MIB1: variants seen among roughly 807,000 people sequenced by gnomAD.
MIB1 encodes the protein MIB E3 ubiquitin protein ligase 1.
In MIB1, 278 loss-of-function variants were observed where a neutral mutation model predicts 124.5. The ratio of observed to expected loss-of-function variants is 2.23; its 90% CI spans 2.02 to 2.47. MIB1 has a LOEUF of 2.47. Ranked by LOEUF, MIB1 falls within the 30% of genes most tolerant of loss-of-function variation. The pLI is 0.00. For missense variants in MIB1, 957 were observed against 1,254.4 expected (o/e 0.76, Z 3.58); for synonymous variants, 446 against 429.4 (o/e 1.04, Z -0.48).
intron 12 of MIB1, among the ~76,000 whole-genome samples, chr18:21,838,153 G>A (rs1297197847): frequency 4.0e-5 from 6 of 151,888 alleles, no homozygotes; most frequent in Non-Finnish European, 8.8e-5. Flanking sequence ...TGTAGTCTCT[G>A]TCAAGGCCAG....
intron 4 of MIB1, among the ~76,000 whole-genome samples, chr18:21,774,506 T>G (rs1167180322): frequency 6.6e-6 from 1 of 152,236 alleles, no homozygotes; most frequent in Non-Finnish European, 1.5e-5. Flanking sequence ...GAGAATCACC[T>G]GAACCACGAG....
intron 10 of MIB1, among the ~76,000 whole-genome samples, chr18:21,815,014 TATATATA>T (rs2041813404): frequency 1.7e-4 from 2 of 11,576 alleles, no homozygotes; most frequent in East Asian, 3.2e-3. Flanking sequence ...GTTGGTTTTA[TATATATA>T]TATATATATA....
At chr18:21,728,733 C>G (rs1382465439) in intron 1 of MIB1, among the ~76,000 whole-genome samples, 4 of 152,052 alleles carry the variant, frequency 2.6e-5, no homozygotes, top group Non-Finnish European at 5.9e-5. Flanking sequence ...TACATGTAAA[C>G]AATGTGTAAT....
At chr18:21,723,375 T>C (rs1021725245) in intron 1 of MIB1, among the ~76,000 whole-genome samples, 5 of 152,148 alleles carry the variant, frequency 3.3e-5, no homozygotes, top group African/African-American at 1.2e-4. Context: ...CCCTTATTCT[T>C]ATTGCAGAAT....
At chr18:21,714,924 G>A (rs745438333) in intron 1 of MIB1, among the ~76,000 whole-genome samples, 1 of 152,190 alleles carries the variant, frequency 6.6e-6, no homozygotes, top group African/African-American at 2.4e-5. Context: ...TCATGAAAAG[G>A]CAGTAAATTG....
rs1203164889 is a variant in MIB1, at chr18:21,869,277, C to T, written c.*4611C>T. On this transcript the variant is annotated 3_prime_UTR_variant, in exon 21 of 21. Coordinates refer to ENST00000261537, the MANE Select transcript of MIB1 (RefSeq NM_020774.4). The stretch of plus-strand genomic sequence containing the variant: ...ATTTCCTCCAAAAAGCAAAATGGTC[C>T]TGTAATTTTTAAAGTAAAATAAACG... The T allele has an allele frequency of 6.6e-6, 1 of 152,324 alleles. No homozygotes were observed. The highest frequency in any genetic ancestry group is 2.4e-5 in the African/African-American group (1 of 41,404). The allele number at this position is 152,324 out of a possible 1,614,324, so 9.4% of individuals were successfully genotyped here. A position where few individuals can be genotyped will look rare whatever the true frequency, so the allele number is the denominator to read the frequency against.
intron 1 of MIB1, among the ~76,000 whole-genome samples, chr18:21,714,944 AC>A (rs1290696086): frequency 6.6e-6 from 1 of 152,144 alleles, no homozygotes; most frequent in Admixed American, 6.6e-5. Context: ...GGGGGGGATC[AC>A]CCCATGGAGG....
chr18:21,756,029 T>A (rs549858619), intron 1 of MIB1, among the ~76,000 whole-genome samples: 1 of 152,296 alleles, frequency 6.6e-6, no homozygotes, highest in Non-Finnish European at 1.5e-5. Context: ...ATATTTTACA[T>A]CATGGTGCCT....
chr18:21,794,459 C>CTG (rs1206383063), intron 7 of MIB1, among the ~76,000 whole-genome samples: 1 of 151,864 alleles, frequency 6.6e-6, no homozygotes, highest in Non-Finnish European at 1.5e-5. Context: ...CTCTCTCTCT[C>CTG]TCTCTCTCTC....
chr18:21,864,134 C>T (rs2042300022), intron 20 of MIB1, among the ~76,000 whole-genome samples: 4 of 152,130 alleles, frequency 2.6e-5, no homozygotes, highest in Non-Finnish European at 5.9e-5. Context: ...CCCTTGTCTG[C>T]CTAGAATTTC....
intron 13 of MIB1, among the ~76,000 whole-genome samples, chr18:21,838,949 A>G (rs760173393): frequency 8.5e-5 from 13 of 152,218 alleles, no homozygotes; most frequent in Non-Finnish European, 1.6e-4. Flanking sequence ...TTATGGCTCG[A>G]TAGCAGTACA....
At chr18:21,805,696 A>C (rs1418503709) in intron 10 of MIB1, among the ~76,000 whole-genome samples, 1 of 137,676 alleles carries the variant, frequency 7.3e-6, no homozygotes. Context: ...GAAGCTGAAA[A>C]ACCACATTTC....
At chr18:21,813,536 A>C (rs2041798012) in intron 10 of MIB1, among the ~76,000 whole-genome samples, 1 of 152,052 alleles carries the variant, frequency 6.6e-6, no homozygotes, top group African/African-American at 2.4e-5. Context: ...CGTAACAAAA[A>C]CTGATTCAGC....
At chr18:21,777,091 G>A (rs1308378580) in intron 4 of MIB1, among the ~76,000 whole-genome samples, 1 of 152,100 alleles carries the variant, frequency 6.6e-6, no homozygotes, top group African/African-American at 2.4e-5. Context: ...TAATTTCCAG[G>A]TTTTGGTTTG....
At chr18:21,843,913 G>A (rs930229578) in intron 14 of MIB1, among the ~76,000 whole-genome samples, 179 bp from the exon 15 acceptor site, 3 of 152,006 alleles carry the variant, frequency 2.0e-5, no homozygotes, top group South Asian at 2.1e-4. Flanking sequence ...ACCAGAACAC[G>A]TGACTCTTTG....
chr18:21,755,592 G>A (rs760687635), intron 1 of MIB1, among the ~76,000 whole-genome samples: 12 of 152,134 alleles, frequency 7.9e-5, no homozygotes, highest in Non-Finnish European at 1.3e-4. Context: ...TGGGATTACG[G>A]GCGTGAGCCA....
chr18:21,835,840 A>ACACACACAAACACAC (rs1555695330), intron 12 of MIB1, among the ~76,000 whole-genome samples: 1 of 108,056 alleles, frequency 9.3e-6, no homozygotes, highest in African/African-American at 3.6e-5. Context: ...CACACACACA[A>ACACACACAAACACAC]ACACACACGA....
chr18:21,705,647 T>C (rs1334104584), intron 1 of MIB1, among the ~76,000 whole-genome samples: 2 of 152,222 alleles, frequency 1.3e-5, no homozygotes, highest in African/African-American at 2.4e-5. Flanking sequence ...GGGAAAGTGC[T>C]GTCTAGATTA....
intron 18 of MIB1, among the ~76,000 whole-genome samples, chr18:21,856,556 G>A (rs926910734): frequency 6.6e-6 from 1 of 152,174 alleles, no homozygotes; most frequent in Non-Finnish European, 1.5e-5. Flanking sequence ...AAATTATCAT[G>A]TCCGGGGGTG....
Sources: gnomAD v4.1 joint callset for allele counts (sites outside exome capture counted in the v4.1 genomes callset) on GRCh38, gnomAD v4.1.1 for gene constraint, MANE v1.5 for transcripts, NCBI Gene and HGNC (gene_info 2026-07-23, HGNC 2026-07-21) for gene names.